The following SDK1 variants were observed in gnomAD, a reference collection of about 807,000 sequenced individuals.
SDK1 encodes sidekick cell adhesion molecule 1.
SDK1 carries 157 observed loss-of-function variants against 245.5 expected under a neutral mutation model. That is an observed-to-expected ratio of 0.64 (90% CI 0.56 to 0.73). The LOEUF is 0.73. Ranked by LOEUF, SDK1 falls within the 30% of genes least tolerant of loss-of-function variation. The pLI is 0.00. For missense variants in SDK1, 3,583 were observed against 3,002.3 expected, an observed-to-expected ratio of 1.19 and a Z score of -4.52; for synonymous variants, 1,647 against 1,278.5, an observed-to-expected ratio of 1.29 and a Z score of -6.15.
chr7:4,049,278 T>G, intron 17 of SDK1, 70 bp from the exon 18 acceptor site: 1 of 1,196,582 alleles, frequency 8.4e-7, no homozygotes, highest in South Asian at 1.3e-5. Context: ...AAGGGTTTCC[T>G]TTCTGTCTCT....
intron 5 of SDK1, among the ~76,000 whole-genome samples, chr7:3,913,346 T>G (rs910815029): frequency 1.3e-5 from 2 of 148,382 alleles, no homozygotes; most frequent in Admixed American, 6.9e-5. Context: ...CAGGCTGGAG[T>G]GCAGTGGCAC....
chr7:3,804,262 TCA>T (rs1779184705), intron 4 of SDK1, among the ~76,000 whole-genome samples: 1 of 152,242 alleles, frequency 6.6e-6, no homozygotes, highest in African/African-American at 2.4e-5. Flanking sequence ...ATTTTTGTAT[TCA>T]GTTATATGAG....
At position 3,342,323 on chromosome 7, in the gene SDK1, T is replaced by G. The variant is rs191420403; in HGVS notation, c.298+40439T>G. On this transcript the variant is annotated intron_variant, in intron 1 of 44. Coordinates refer to ENST00000404826, the MANE Select transcript of SDK1 (RefSeq NM_152744.4). ...GAGAAAGTTAGCCAGGTGCGGTGGC[T>G]CATGCCTGTAATCCCAGAACTTTGG... is the stretch of plus-strand genomic sequence containing the variant. Among the ~76,000 whole-genome samples the G allele has an allele frequency of 4.2e-3, 634 of 152,128 alleles. 7 individuals are homozygous for G. Among genetic ancestry groups the G allele is most frequent in the South Asian group, 0.018 (87 of 4,818 alleles).
intron 4 of SDK1, among the ~76,000 whole-genome samples, chr7:3,782,492 C>T (rs148230475): frequency 2.0e-5 from 3 of 152,060 alleles, no homozygotes; most frequent in Non-Finnish European, 4.4e-5. Context: ...AAATTCAACC[C>T]ATAGAAGAGT....
chr7:3,353,967 T>C (rs1780727379), intron 1 of SDK1, among the ~76,000 whole-genome samples: 1 of 151,886 alleles, frequency 6.6e-6, no homozygotes, highest in African/African-American at 2.4e-5. Context: ...CCGGGCTCCA[T>C]AGCCACATTT....
intron 32 of SDK1, among the ~76,000 whole-genome samples, chr7:4,170,305 G>C (rs1320211481): frequency 2.0e-5 from 3 of 151,992 alleles, no homozygotes; most frequent in Non-Finnish European, 4.4e-5. Context: ...AAATTAGCCT[G>C]GTGTGGTGGT....
At chr7:4,146,697 G>T (rs1363503404) in intron 29 of SDK1, among the ~76,000 whole-genome samples, 1 of 152,246 alleles carries the variant, frequency 6.6e-6, no homozygotes, top group Non-Finnish European at 1.5e-5. Context: ...TGCTCAGTAA[G>T]TAAGTTTTCC....
intron 1 of SDK1, among the ~76,000 whole-genome samples, chr7:3,553,563 C>T (rs892584867): frequency 4.6e-5 from 7 of 152,070 alleles, no homozygotes; most frequent in South Asian, 2.1e-4. Flanking sequence ...AACTAGCAAC[C>T]GAGATAGTCC....
At chr7:3,960,192 T>A (rs1215342488) in intron 8 of SDK1, among the ~76,000 whole-genome samples, 1 of 152,224 alleles carries the variant, frequency 6.6e-6, no homozygotes, top group Non-Finnish European at 1.5e-5. Flanking sequence ...CATGGTTAAG[T>A]ACAGTGCCAA....
At chr7:3,523,132 G>T (rs1432141974) in intron 1 of SDK1, among the ~76,000 whole-genome samples, 1 of 152,168 alleles carries the variant, frequency 6.6e-6, no homozygotes, top group African/African-American at 2.4e-5. Context: ...GGCAATATTT[G>T]TATATTTTTG....
At chr7:3,695,957 G>A (rs1369302593) in intron 4 of SDK1, among the ~76,000 whole-genome samples, 1 of 152,092 alleles carries the variant, frequency 6.6e-6, no homozygotes, top group African/African-American at 2.4e-5. Flanking sequence ...AGTTGCTGAC[G>A]CTCATTGGCT....
chr7:4,159,065 C>T (rs562173709), intron 31 of SDK1, among the ~76,000 whole-genome samples: 5 of 152,320 alleles, frequency 3.3e-5, no homozygotes, highest in African/African-American at 7.2e-5. Context: ...CTATCAGCCG[C>T]GTCCAGCGGT....
At chr7:3,958,227 T>G in intron 7 of SDK1, 1 of 283,142 alleles carries the variant, frequency 3.5e-6, no homozygotes, top group South Asian at 3.0e-5. Context: ...ACCTTAATAC[T>G]TGACAAACTT....
At chr7:3,471,939 A>G (rs1434815517) in intron 1 of SDK1, among the ~76,000 whole-genome samples, 1 of 151,898 alleles carries the variant, frequency 6.6e-6, no homozygotes, top group African/African-American at 2.4e-5. Flanking sequence ...AAATAATCAA[A>G]CTCTTTAAGT....
intron 4 of SDK1, among the ~76,000 whole-genome samples, chr7:3,645,326 AGAGAT>A (rs1034455913): frequency 2.6e-5 from 4 of 152,238 alleles, no homozygotes; most frequent in East Asian, 1.9e-4. Flanking sequence ...CATTTTTTAA[AGAGAT>A]GAGATGAGGC....
chr7:3,692,827 G>C (rs1328309747), intron 4 of SDK1, among the ~76,000 whole-genome samples: 2 of 152,010 alleles, frequency 1.3e-5, no homozygotes, highest in Non-Finnish European at 2.9e-5. Flanking sequence ...AGTGGTATTT[G>C]TGTCGAGTTT....
At chr7:3,410,277 G>A (rs144365168) in intron 1 of SDK1, among the ~76,000 whole-genome samples, 1,580 of 151,060 alleles carry the variant, frequency 0.01, 17 homozygotes, top group Non-Finnish European at 0.015. Flanking sequence ...ACTTCATTTC[G>A]CGCACAACAT....
At chr7:3,855,085 A>G (rs906796926) in intron 5 of SDK1, among the ~76,000 whole-genome samples, 11 of 152,148 alleles carry the variant, frequency 7.2e-5, no homozygotes, top group Admixed American at 4.6e-4. Flanking sequence ...ACTTAGGCCT[A>G]AGAGAGAGGT....
At chr7:3,822,225 A>C (rs1779663771) in intron 5 of SDK1, among the ~76,000 whole-genome samples, 2 of 152,234 alleles carry the variant, frequency 1.3e-5, no homozygotes. Context: ...AGGAACTCTG[A>C]ACTAATCTAG....
Sources: allele counts gnomAD v4.1 joint callset (sites outside exome capture counted in the v4.1 genomes callset), GRCh38; gene constraint gnomAD v4.1.1; transcripts MANE v1.5; gene names NCBI Gene and HGNC (gene_info 2026-07-23, HGNC 2026-07-21).